GREB1L: variants seen among roughly 807,000 people sequenced by gnomAD.
The protein encoded by GREB1L is GREB1 like retinoic acid receptor coactivator.
Under a neutral mutation model 200.8 loss-of-function variants are expected in GREB1L, and 17 were observed. The ratio of observed to expected loss-of-function variants is 0.08; its 90% CI spans 0.06 to 0.13. The LOEUF (loss-of-function observed/expected upper bound fraction) is 0.13. Ranked by LOEUF, GREB1L falls within the 10% of genes least tolerant of loss-of-function variation. The probability of loss-of-function intolerance (pLI) is 1.00; values close to 1 mark genes in which losing one functional copy is unlikely to be tolerated. For synonymous variants in GREB1L, 789 were observed against 893.0 expected, an observed-to-expected ratio of 0.88 and a Z score of 2.08; for missense variants, 1,657 against 2,367.7, an observed-to-expected ratio of 0.70 and a Z score of 6.23.
At chr18:21,455,514 T>G (rs770268254) in intron 15 of GREB1L, among the ~76,000 whole-genome samples, 1 of 151,988 alleles carries the variant, frequency 6.6e-6, no homozygotes, top group African/African-American at 2.4e-5. Context: ...AAACCCCGTC[T>G]CTACTAAAAA....
intron 2 of GREB1L, among the ~76,000 whole-genome samples, chr18:21,381,384 G>A (rs1213118695): frequency 6.6e-6 from 1 of 151,740 alleles, no homozygotes; most frequent in Admixed American, 6.6e-5. Context: ...CTCCAGCCTG[G>A]GCGACAGAGT....
chr18:21,267,164 C>A (rs1183779518), intron 1 of GREB1L, among the ~76,000 whole-genome samples: 1 of 149,306 alleles, frequency 6.7e-6, no homozygotes, highest in African/African-American at 2.5e-5. Context: ...AAACTCCTGG[C>A]CTCGTGATCT....
intron 2 of GREB1L, among the ~76,000 whole-genome samples, chr18:21,369,630 T>C (rs1474750300): frequency 6.6e-6 from 1 of 152,160 alleles, no homozygotes; most frequent in Non-Finnish European, 1.5e-5. Context: ...TAATATATAT[T>C]GCATATCTGT....
chr18:21,394,930 C>T (rs180747098), intron 4 of GREB1L, among the ~76,000 whole-genome samples: 1 of 92,208 alleles, frequency 1.1e-5, no homozygotes, highest in East Asian at 3.4e-4. Context: ...TCCATCTCTA[C>T]TAAAAAAAAA....
chr18:21,481,208 G>A (rs1380129872), intron 17 of GREB1L, among the ~76,000 whole-genome samples: 1 of 151,972 alleles, frequency 6.6e-6, no homozygotes, highest in African/African-American at 2.4e-5. Flanking sequence ...GGATGGCCCT[G>A]GAAAGACAGG....
At chr18:21,482,236 AAAG>A (rs1213970057) in intron 17 of GREB1L, among the ~76,000 whole-genome samples, 1 of 152,164 alleles carries the variant, frequency 6.6e-6, no homozygotes, top group African/African-American at 2.4e-5. Context: ...TAGTTGGAAA[AAAG>A]AAGTTGAAAG....
chr18:21,451,171 G>T lies in GREB1L; in HGVS notation c.1849+20G>T. 6.5e-7 allele frequency: 1 copy of T among 1,550,144 alleles called. No homozygotes were observed. The highest frequency in any genetic ancestry group is 1.2e-5 in the South Asian group (1 of 83,894). On this transcript the variant is annotated intron_variant, in intron 13 of 32. Coordinates refer to ENST00000424526, the MANE Select transcript of GREB1L (RefSeq NM_001142966.3). ...CATTAGGTGAGTGGTTGTAAGATTT[G>T]GCAACACTGGCAGCCCCTAGTTGTA...
intron 4 of GREB1L, among the ~76,000 whole-genome samples, chr18:21,386,353 G>A (rs1202503997): frequency 2.6e-5 from 4 of 152,100 alleles, no homozygotes; most frequent in African/African-American, 7.2e-5. Flanking sequence ...GTGCAGTGGC[G>A]CGACCTCAGC....
chr18:21,468,845 T>C (rs1027641037), intron 15 of GREB1L: 1 of 447,234 alleles, frequency 2.2e-6, no homozygotes, highest in African/African-American at 2.0e-5. Context: ...ATCAATTGTT[T>C]TGTGTAGGGA....
At chr18:21,518,490 A>G (rs1026689847) in intron 31 of GREB1L, among the ~76,000 whole-genome samples, 2 of 152,206 alleles carry the variant, frequency 1.3e-5, no homozygotes, top group Non-Finnish European at 2.9e-5. Context: ...ATCTCCACAA[A>G]TGAGCCAGAG....
chr18:21,437,029 A>T (rs1366446075), intron 7 of GREB1L, among the ~76,000 whole-genome samples: 1 of 152,138 alleles, frequency 6.6e-6, no homozygotes. Flanking sequence ...TGGTAGAAGA[A>T]ATTTTAAGAG....
chr18:21,411,428 G>C (rs1209399770), intron 7 of GREB1L, among the ~76,000 whole-genome samples: 1 of 151,738 alleles, frequency 6.6e-6, no homozygotes, highest in Non-Finnish European at 1.5e-5. Flanking sequence ...GGATGGTCTC[G>C]ATCTCCTGAC....
chr18:21,378,654 C>T (rs981834665), intron 2 of GREB1L, among the ~76,000 whole-genome samples: 1 of 152,204 alleles, frequency 6.6e-6, no homozygotes, highest in Non-Finnish European at 1.5e-5. Flanking sequence ...GGATTACAGG[C>T]GTGAGCCACC....
chr18:21,356,944 A>G (rs2039513243), intron 1 of GREB1L, among the ~76,000 whole-genome samples: 2 of 152,102 alleles, frequency 1.3e-5, no homozygotes, highest in East Asian at 3.8e-4. Context: ...GCATTTTTTC[A>G]TATACTGTTG....
chr18:21,424,568 CAAAAT>C (rs1330572773), intron 7 of GREB1L, among the ~76,000 whole-genome samples: 2 of 151,748 alleles, frequency 1.3e-5, no homozygotes, highest in East Asian at 1.9e-4. Context: ...GACTCTGTCT[CAAAAT>C]AAAGTGTGAC....
chr18:21,462,577 G>A (rs1010878560), intron 15 of GREB1L, among the ~76,000 whole-genome samples: 4 of 152,174 alleles, frequency 2.6e-5, no homozygotes, highest in African/African-American at 9.7e-5. Flanking sequence ...AGTCTCCAGA[G>A]TAGCTGGGAT....
chr18:21,336,549 G>C (rs2039188228), intron 1 of GREB1L, among the ~76,000 whole-genome samples: 1 of 152,208 alleles, frequency 6.6e-6, no homozygotes, highest in Non-Finnish European at 1.5e-5. Flanking sequence ...TAGTAGTAAA[G>C]CAACAGGACC....
chr18:21,410,121 C>G (rs965490272), intron 7 of GREB1L, among the ~76,000 whole-genome samples: 3 of 151,934 alleles, frequency 2.0e-5, no homozygotes, highest in African/African-American at 7.3e-5. Flanking sequence ...ATAATATGCT[C>G]ATCCACCATT....
intron 1 of GREB1L, among the ~76,000 whole-genome samples, chr18:21,245,202 A>G (rs1235195455): frequency 6.6e-6 from 1 of 152,226 alleles, no homozygotes; most frequent in Non-Finnish European, 1.5e-5. Flanking sequence ...GTAAGCGATG[A>G]TTGCAAAAAG....
Sources: allele counts gnomAD v4.1 joint callset (sites outside exome capture counted in the v4.1 genomes callset), GRCh38; gene constraint gnomAD v4.1.1; transcripts MANE v1.5; gene names NCBI Gene and HGNC (gene_info 2026-07-23, HGNC 2026-07-21).